The following CRPPA variants were observed in gnomAD, a reference collection of about 807,000 sequenced individuals.
CRPPA encodes D-ribitol-5-phosphate cytidylyltransferase.
Under a neutral mutation model 52.0 loss-of-function variants are expected in CRPPA, and 43 were observed. The ratio of observed to expected loss-of-function variants is 0.83; its 90% CI spans 0.65 to 1.07. The LOEUF (loss-of-function observed/expected upper bound fraction) is 1.07. CRPPA is among the 50% of genes least tolerant of loss of function. The probability of loss-of-function intolerance (pLI) is 0.00; values close to 1 mark genes in which losing one functional copy is unlikely to be tolerated. For missense variants in CRPPA, 629 were observed against 551.7 expected (o/e 1.14, Z -1.40); for synonymous variants, 250 against 203.5 (o/e 1.23, Z -1.94).
chr7:16,103,584 A>G (rs1408009713), intron 9 of CRPPA, among the ~76,000 whole-genome samples: 1 of 152,214 alleles, frequency 6.6e-6, no homozygotes, highest in Non-Finnish European at 1.5e-5. Flanking sequence ...TTTGTACTCC[A>G]TGATTCTTCC....
intron 9 of CRPPA, among the ~76,000 whole-genome samples, chr7:16,134,943 G>T (rs1782737738): frequency 6.6e-6 from 1 of 152,096 alleles, no homozygotes; most frequent in African/African-American, 2.4e-5. Flanking sequence ...TTTATATTAT[G>T]ATCACTTACT....
intron 9 of CRPPA, among the ~76,000 whole-genome samples, chr7:16,190,262 AAACTAGAAAGCT>A (rs1781581218): frequency 6.6e-6 from 1 of 152,194 alleles, no homozygotes; most frequent in African/African-American, 2.4e-5. Flanking sequence ...AGGCAGAGCT[AAACTAGAAAGCT>A]ATTTTCAATT....
chr7:16,281,708 G>A (rs1784324478), intron 5 of CRPPA, among the ~76,000 whole-genome samples: 1 of 152,126 alleles, frequency 6.6e-6, no homozygotes, highest in African/African-American at 2.4e-5. Context: ...GAATTCACTG[G>A]TAAAAGCCAA....
intron 2 of CRPPA, among the ~76,000 whole-genome samples, chr7:16,378,095 T>A (rs975859665): frequency 1.3e-5 from 2 of 151,334 alleles, no homozygotes; most frequent in African/African-American, 4.8e-5. Context: ...TTTTTCCTTT[T>A]TTTTTAATTT....
chr7:16,180,968 T>C (rs1348244957), intron 9 of CRPPA, among the ~76,000 whole-genome samples: 1 of 151,996 alleles, frequency 6.6e-6, no homozygotes, highest in Non-Finnish European at 1.5e-5. Flanking sequence ...ATTGTGTGTT[T>C]CACAGAATGG....
At chr7:16,322,089 T>C (rs1337907666) in intron 3 of CRPPA, among the ~76,000 whole-genome samples, 1 of 152,142 alleles carries the variant, frequency 6.6e-6, no homozygotes, top group Non-Finnish European at 1.5e-5. Flanking sequence ...ACATTCCTGA[T>C]TTTAAGTCAC....
intron 2 of CRPPA, among the ~76,000 whole-genome samples, chr7:16,390,874 C>T (rs1425454593): frequency 6.6e-6 from 1 of 152,134 alleles, no homozygotes; most frequent in African/African-American, 2.4e-5. Context: ...AACTAATGCT[C>T]AGCTCCTGAA....
At chr7:16,313,886 C>G (rs1785088633) in intron 3 of CRPPA, among the ~76,000 whole-genome samples, 1 of 151,862 alleles carries the variant, frequency 6.6e-6, no homozygotes, top group African/African-American at 2.4e-5. Flanking sequence ...TATTTCTGTT[C>G]TTTTAACTTT....
chr7:16,150,612 TGAGTAA>T (rs1783059495), intron 9 of CRPPA, among the ~76,000 whole-genome samples: 2 of 152,062 alleles, frequency 1.3e-5, no homozygotes, highest in African/African-American at 2.4e-5. Flanking sequence ...TAAGAAAAAA[TGAGTAA>T]GAGTTAAGCC....
At chr7:16,161,229 G>T (rs2128381984) in intron 9 of CRPPA, among the ~76,000 whole-genome samples, 1 of 152,242 alleles carries the variant, frequency 6.6e-6, no homozygotes, top group East Asian at 1.9e-4. Context: ...TGCTGAATAG[G>T]AGTGGTGAGA....
At chr7:16,174,750 A>G (rs919253953) in intron 9 of CRPPA, among the ~76,000 whole-genome samples, 2 of 152,154 alleles carry the variant, frequency 1.3e-5, no homozygotes, top group Admixed American at 1.3e-4. Context: ...TTCTGTAAAG[A>G]TAAGTCAATG....
intron 4 of CRPPA, among the ~76,000 whole-genome samples, chr7:16,303,830 T>C (rs1227117266): frequency 6.6e-6 from 1 of 152,196 alleles, no homozygotes; most frequent in African/African-American, 2.4e-5. Context: ...GCTGAAATAC[T>C]TGGACCTTAA....
intron 9 of CRPPA, among the ~76,000 whole-genome samples, chr7:16,121,151 G>C (rs1177440872): frequency 2.0e-5 from 3 of 152,046 alleles, no homozygotes; most frequent in Non-Finnish European, 4.4e-5. Flanking sequence ...AACCAGAATT[G>C]AAATCTAGAG....
At chr7:16,339,459 T>C (rs1264535875) in intron 3 of CRPPA, among the ~76,000 whole-genome samples, 1 of 152,098 alleles carries the variant, frequency 6.6e-6, no homozygotes, top group African/African-American at 2.4e-5. Context: ...CATGATCATA[T>C]CAATAGATGG....
intron 2 of CRPPA, among the ~76,000 whole-genome samples, chr7:16,398,680 T>C (rs1230958443): frequency 6.6e-6 from 1 of 152,036 alleles, no homozygotes; most frequent in Non-Finnish European, 1.5e-5. Context: ...ACACGTGACA[T>C]GTGACTGACA....
intron 9 of CRPPA, among the ~76,000 whole-genome samples, chr7:16,193,359 C>A (rs1781656553): frequency 6.6e-6 from 1 of 151,882 alleles, no homozygotes; most frequent in African/African-American, 2.4e-5. Context: ...TTTATATTGA[C>A]CTTATATTTA....
chr7:16,121,850 T>C (rs1782486763), intron 9 of CRPPA, among the ~76,000 whole-genome samples: 1 of 152,048 alleles, frequency 6.6e-6, no homozygotes, highest in Non-Finnish European at 1.5e-5. Flanking sequence ...TTGACTGTCA[T>C]GGTTGGTCAG....
rs751804738 is a variant in CRPPA, at chr7:16,089,731, T to C, written c.*1964A>G. 4 of 193,316 alleles carry C rather than the reference T, an allele frequency of 2.1e-5. No individual in the cohort carries two copies. Among genetic ancestry groups the C allele is most frequent in the Non-Finnish European group, 4.5e-5 (4 of 89,280 alleles). 12.0% of individuals were successfully genotyped at this position (193,316 alleles called of 1,614,324 possible). A position where few individuals can be genotyped will look rare whatever the true frequency, so the allele number is the denominator to read the frequency against. On this transcript the variant is annotated 3_prime_UTR_variant, in exon 10 of 10. Coordinates refer to ENST00000407010, the MANE Select transcript of CRPPA (RefSeq NM_001101426.4). ...ACTTAATATTTTATTAACTAAATTA[T>C]ACTAAATGTTACCAGTTGCCTAGGG...
intron 9 of CRPPA, among the ~76,000 whole-genome samples, chr7:16,092,677 C>T (rs1279482850): frequency 5.9e-5 from 9 of 152,168 alleles, no homozygotes; most frequent in African/African-American, 1.9e-4. Context: ...TCATTTCCCA[C>T]AGGGAAGTCA....
Sources: gnomAD v4.1 joint callset for allele counts (sites outside exome capture counted in the v4.1 genomes callset) on GRCh38, gnomAD v4.1.1 for gene constraint, MANE v1.5 for transcripts, NCBI Gene and HGNC (gene_info 2026-07-23, HGNC 2026-07-21) for gene names.